Variants in PCDH15 observed in about 807,000 individuals in gnomAD.
The protein encoded by PCDH15 is protocadherin related 15, also known as protocadherin-15.
A neutral mutation model predicts 178.5 loss-of-function variants in PCDH15; 129 were observed. The ratio of observed to expected loss-of-function variants is 0.72; its 90% confidence interval spans 0.63 to 0.84. The LOEUF is 0.84. Ranked by LOEUF, PCDH15 falls within the 40% of genes least tolerant of loss-of-function variation. PCDH15 has a pLI of 0.00. For missense variants in PCDH15, 2,230 were observed against 2,099.9 expected (o/e 1.06, Z -1.21); for synonymous variants, 800 against 732.0 (o/e 1.09, Z -1.50).
chr10:54,721,890 A>G (rs1227827411), intron 1 of PCDH15, among the ~76,000 whole-genome samples: 1 of 151,848 alleles, frequency 6.6e-6, no homozygotes, highest in Non-Finnish European at 1.5e-5. Context: ...TCATCTTGAT[A>G]ACAAAATCGA....
At chr10:55,074,125 G>A (rs549187258) in intron 2 of PCDH15, among the ~76,000 whole-genome samples, 11 of 151,994 alleles carry the variant, frequency 7.2e-5, no homozygotes, top group Non-Finnish European at 1.6e-4. Flanking sequence ...ATGAGCATTT[G>A]GGTTGATTCC....
chr10:55,254,666 A>G (rs1213108428), intron 1 of PCDH15, among the ~76,000 whole-genome samples: 6 of 152,226 alleles, frequency 3.9e-5, no homozygotes, highest in Non-Finnish European at 5.9e-5. Flanking sequence ...GCAAAGCAAT[A>G]TGAGATATTA....
intron 1 of PCDH15, among the ~76,000 whole-genome samples, chr10:55,169,269 T>C (rs1398486535): frequency 1.3e-5 from 2 of 152,168 alleles, no homozygotes; most frequent in Non-Finnish European, 2.9e-5. Flanking sequence ...CATTGCACAG[T>C]GTATATATAT....
chr10:54,386,070 T>A (rs1949881015), intron 3 of PCDH15, among the ~76,000 whole-genome samples: 4 of 151,570 alleles, frequency 2.6e-5, no homozygotes, highest in Admixed American at 1.3e-4. Flanking sequence ...TGGTTTTGTA[T>A]CCTACTACTT....
At chr10:55,224,802 C>G (rs749966079) in intron 1 of PCDH15, among the ~76,000 whole-genome samples, 29 of 152,098 alleles carry the variant, frequency 1.9e-4, no homozygotes, top group Non-Finnish European at 3.2e-4. Flanking sequence ...TACAACTCAT[C>G]TCACACTCCT....
At chr10:54,824,041 T>G (rs867718849) in intron 3 of PCDH15, among the ~76,000 whole-genome samples, 59 of 152,276 alleles carry the variant, frequency 3.9e-4, no homozygotes, top group African/African-American at 1.4e-3. Flanking sequence ...TAGCACAATC[T>G]CTTTATTGTT....
chr10:54,831,278 GAAATA>G (rs1591727640), intron 3 of PCDH15, among the ~76,000 whole-genome samples: 2 of 151,906 alleles, frequency 1.3e-5, no homozygotes, highest in Non-Finnish European at 2.9e-5. Flanking sequence ...ATGGGAACAT[GAAATA>G]AAATAATAAG....
intron 2 of PCDH15, among the ~76,000 whole-genome samples, chr10:55,023,363 C>T (rs1840387437): frequency 1.3e-5 from 2 of 151,936 alleles, no homozygotes. Flanking sequence ...AGATAAAATC[C>T]CAATGGCAAT....
At chr10:54,919,365 G>T (rs1038813244) in intron 2 of PCDH15, among the ~76,000 whole-genome samples, 2 of 152,032 alleles carry the variant, frequency 1.3e-5, no homozygotes, top group African/African-American at 2.4e-5. Flanking sequence ...CCAGCAAAAG[G>T]GATAATGTTT....
intron 3 of PCDH15, among the ~76,000 whole-genome samples, chr10:54,416,695 C>T (rs1441322663): frequency 6.6e-6 from 1 of 152,132 alleles, no homozygotes; most frequent in Non-Finnish European, 1.5e-5. Context: ...CTTGATGAAT[C>T]ACCATACTGT....
At chr10:55,521,079 C>T (rs1358756502) in intron 2 of PCDH15, among the ~76,000 whole-genome samples, 3 of 151,904 alleles carry the variant, frequency 2.0e-5, no homozygotes, top group Non-Finnish European at 2.9e-5. Flanking sequence ...AGTTTGGAAC[C>T]TCTGACTAAC....
intron 17 of PCDH15, among the ~76,000 whole-genome samples, chr10:54,077,199 C>T (rs980244530): frequency 2.6e-5 from 4 of 151,986 alleles, no homozygotes; most frequent in African/African-American, 7.2e-5. Flanking sequence ...AAAATTTACT[C>T]AGAAAATCAG....
In PCDH15 at chr10:54,079,439, A is replaced by G. The variant is rs1565203335; in HGVS notation, c.1998-15T>C. On this transcript the variant is annotated splice_polypyrimidine_tract_variant and intron_variant, in intron 16 of 37. Coordinates refer to ENST00000644397, the MANE Select transcript of PCDH15 (RefSeq NM_001384140.1). ...GAATCCCCGTGCTAGTGACAAAACAAACAAACAAATAAGACAAAAAGAGAT... is the reference window on the plus strand; with the variant it reads ...GAATCCCCGTGCTAGTGACAAAACAGACAAACAAATAAGACAAAAAGAGAT... 9 of 1,605,680 alleles carry G rather than the reference A, an allele frequency of 5.6e-6. No individual in the cohort carries two copies. Among genetic ancestry groups the G allele is most frequent in the Middle Eastern group, 1.7e-4 (1 of 6,046 alleles).
chr10:54,357,532 G>A (rs1367717639), intron 5 of PCDH15, among the ~76,000 whole-genome samples: 1 of 151,986 alleles, frequency 6.6e-6, no homozygotes, highest in South Asian at 2.1e-4. Flanking sequence ...ACAAATGGAA[G>A]AACATTCCAT....
intron 1 of PCDH15, among the ~76,000 whole-genome samples, chr10:55,305,436 G>T (rs927212149): frequency 6.6e-6 from 1 of 152,204 alleles, no homozygotes; most frequent in African/African-American, 2.4e-5. Context: ...GAGGCAGAGT[G>T]GCATTGTCCT....
rs146866422 is a variant in PCDH15, at chr10:55,235,484, T to C, written c.-155-68833A>G. 2.4e-4 allele frequency among the ~76,000 whole-genome samples: 37 copies of C among 152,280 alleles called. No homozygotes were observed. In the East Asian group the frequency reaches 6.0e-3, roughly 25 times the overall value. ...CCATACATTCTTCCCCAGAAAGTTC[T>C]CATTCAATAGAAACTAAATTTAAGA... On this transcript the variant is annotated intron_variant, in intron 1 of 5. Coordinates refer to the PCDH15 transcript ENST00000458638.
intron 2 of PCDH15, among the ~76,000 whole-genome samples, chr10:55,038,322 T>G (rs1840785228): frequency 6.6e-6 from 1 of 152,196 alleles, no homozygotes; most frequent in African/African-American, 2.4e-5. Flanking sequence ...GTAAAATAAT[T>G]CATAATAGAT....
chr10:54,786,924 T>C (rs1591631324), intron 1 of PCDH15, among the ~76,000 whole-genome samples: 2 of 151,942 alleles, frequency 1.3e-5, no homozygotes, highest in East Asian at 3.9e-4. Context: ...TCTTTGCTAA[T>C]TTCCTCAAAA....
intron 1 of PCDH15, among the ~76,000 whole-genome samples, chr10:54,746,043 T>C (rs2132885697): frequency 6.6e-6 from 1 of 152,302 alleles, no homozygotes; most frequent in African/African-American, 2.4e-5. Flanking sequence ...ATTCTTATTT[T>C]CCACCTATTA....
Sources: gnomAD v4.1 joint callset for allele counts (sites outside exome capture counted in the v4.1 genomes callset) on GRCh38, gnomAD v4.1.1 for gene constraint, MANE v1.5 for transcripts, NCBI Gene and HGNC (gene_info 2026-07-23, HGNC 2026-07-21) for gene names.